The following TRPM2 variants were observed in gnomAD, a reference collection of about 807,000 sequenced individuals.
TRPM2 encodes estrogen-responsive element-associated gene 1 protein.
Under a neutral mutation model 174.0 loss-of-function variants are expected in TRPM2, and 161 were observed. That is an observed-to-expected ratio of 0.93 (90% confidence interval 0.81 to 1.05). TRPM2 has a LOEUF of 1.05. Ranked by LOEUF, TRPM2 falls within the 50% of genes least tolerant of loss-of-function variation. The pLI, the probability that TRPM2 is intolerant of heterozygous loss-of-function variation, is 0.00. For missense variants in TRPM2, 2,057 were observed against 2,038.0 expected (o/e 1.01, Z -0.18); for synonymous variants, 954 against 861.3 (o/e 1.11, Z -1.88).
chr21:44,404,189 A>T (rs1481640069), intron 16 of TRPM2, among the ~76,000 whole-genome samples: 1 of 152,104 alleles, frequency 6.6e-6, no homozygotes, highest in Non-Finnish European at 1.5e-5. Context: ...ACACAAAAAC[A>T]TGCAAATACA....
Position 44,405,254 on chromosome 21 carries a change from C to T in TRPM2, c.2651C>T (p.Thr884Ile). The change falls in exon 17 of 32, where the codon ACC (threonine) becomes ATC (isoleucine). Residue 884 changes from threonine to isoleucine, a missense_variant. Coordinates refer to ENST00000397928, the MANE Select transcript of TRPM2 (RefSeq NM_003307.4). ...ATCTTGCTCTTCGTGGCAGGGCTGA[C>T]CTGCAGGTGAGTGGCCTCACCCCGA... ...GAILLFVAGL[T>I]CRLIPATLYP... is the part of the protein sequence containing the mutation. The T allele has an allele frequency of 6.2e-7, 1 of 1,612,844 alleles. No individual in the cohort carries two copies. The highest frequency in any genetic ancestry group is 8.5e-7 in the Non-Finnish European group (1 of 1,179,900).
chr21:44,416,996 G>A (rs1166404060), intron 20 of TRPM2, among the ~76,000 whole-genome samples: 30 of 127,210 alleles, frequency 2.4e-4, no homozygotes, highest in Admixed American at 1.7e-3. Context: ...CAGTGTGCAC[G>A]TGGGCATGGC....
At chr21:44,408,645 T>C (rs2049986713) in intron 19 of TRPM2, among the ~76,000 whole-genome samples, 2 of 140,126 alleles carry the variant, frequency 1.4e-5, no homozygotes, top group South Asian at 2.3e-4. Flanking sequence ...TCTCTCCCTC[T>C]CCTTTGCCCT....
At chr21:44,392,028 G>C (rs909002996) in intron 11 of TRPM2, among the ~76,000 whole-genome samples, 14 of 150,562 alleles carry the variant, frequency 9.3e-5, no homozygotes, top group African/African-American at 2.9e-4. Flanking sequence ...GCAGTGGCGT[G>C]ATCTTAGCTC....
chr21:44,437,284 G>T (rs2051311734), intron 29 of TRPM2, 117 bp downstream of exon 29: 1 of 973,088 alleles, frequency 1.0e-6, no homozygotes, highest in Non-Finnish European at 1.5e-6. Context: ...GCAGCCCCTG[G>T]GCAGGGAGGG....
chr21:44,368,214 G>A (rs1042638001), intron 4 of TRPM2, among the ~76,000 whole-genome samples: 1 of 151,880 alleles, frequency 6.6e-6, no homozygotes, highest in African/African-American at 2.4e-5. Context: ...CGACCTCTTG[G>A]GCTCAGGTGA....
chr21:44,401,803 A>C lies in TRPM2; in HGVS notation c.2444A>C (p.Tyr815Ser), dbSNP rs1233201537. The change falls in exon 16 of 32, where the codon TAC (tyrosine) becomes TCC (serine). Residue 815 changes from tyrosine to serine, a missense_variant. Tyr to Ser is a moderately radical substitution (Grantham distance 144). Coordinates refer to ENST00000397928, the MANE Select transcript of TRPM2 (RefSeq NM_003307.4). ...TTCGCCTTCCTCTGCCTGTTCGCCT[A>C]CGTGCTCATGGTGGACTTCCAGCCT... ...SYFAFLCLFA[Y>S]VLMVDFQPVP... 1.2e-6 allele frequency: 2 copies of C among 1,613,836 alleles called. No individual in the cohort carries two copies. Among genetic ancestry groups the C allele is most frequent in the Non-Finnish European group, 1.7e-6 (2 of 1,180,002 alleles).
In TRPM2 at chr21:44,378,910, T is replaced by C. The variant is rs45452193; in HGVS notation, c.1015-87T>C. The C allele has an allele frequency of 2.2e-4, 313 of 1,419,802 alleles. No individual in the cohort carries two copies. The African/African-American group carries it at 3.9e-3, about 18-fold the overall frequency. The allele number at this position is 1,419,802 out of a possible 1,614,324, so 88.0% of individuals were successfully genotyped here. A position where few individuals can be genotyped will look rare whatever the true frequency, so the allele number is the denominator to read the frequency against. ...GAGTAGTGTTAGCCAGCTCTGCCCT[T>C]AGCTGGCCTTGGAGAATTCTCCATT... On this transcript the variant is annotated intron_variant, in intron 7 of 31. Coordinates refer to ENST00000397928, the MANE Select transcript of TRPM2 (RefSeq NM_003307.4).
chr21:44,403,706 CAT>C (rs1324824970), intron 16 of TRPM2, among the ~76,000 whole-genome samples: 14 of 150,146 alleles, frequency 9.3e-5, no homozygotes, highest in African/African-American at 3.5e-4. Context: ...TATACACATG[CAT>C]ACACACATAT....
Position 44,432,899 on chromosome 21 carries a change from G to A in TRPM2, c.3975-2232G>A, listed in dbSNP as rs1178707612. ...GGGTTGTGTGCGTAGGTTTATGGAC[G>A]GGCCTATGCCTTGATGTCGTGATGG... On this transcript the variant is annotated intron_variant, in intron 27 of 31. Coordinates refer to ENST00000397928, the MANE Select transcript of TRPM2 (RefSeq NM_003307.4). The surrounding 1 kb of genome is among the most constrained non-coding windows in gnomAD (Gnocchi z 4.9). Among the ~76,000 whole-genome samples the A allele has an allele frequency of 6.6e-6, 1 of 152,140 alleles. No homozygotes were observed. Among genetic ancestry groups the A allele is most frequent in the Non-Finnish European group, 1.5e-5 (1 of 68,036 alleles).
At chr21:44,383,980 G>A (rs2048953056) in intron 9 of TRPM2, among the ~76,000 whole-genome samples, 2 of 152,112 alleles carry the variant, frequency 1.3e-5, no homozygotes, top group Admixed American at 1.3e-4. Flanking sequence ...TCCAAAAGTA[G>A]CAGAATGAAG....
intron 5 of TRPM2, among the ~76,000 whole-genome samples, chr21:44,370,833 C>A (rs1441627694): frequency 6.6e-6 from 1 of 152,218 alleles, no homozygotes. Flanking sequence ...CGTCCCAGGT[C>A]ACTCCTTACT....
chr21:44,426,400 A>G (rs1477726449), intron 25 of TRPM2, among the ~76,000 whole-genome samples: 1 of 151,720 alleles, frequency 6.6e-6, no homozygotes. Context: ...CCACTCTGGG[A>G]AGACCCCCAA....
intron 9 of TRPM2, among the ~76,000 whole-genome samples, chr21:44,387,518 AC>A (rs759104105): frequency 3.9e-5 from 6 of 152,258 alleles, no homozygotes; most frequent in African/African-American, 4.8e-5. Context: ...CACCTAAGGC[AC>A]AGGAAACAAA....
Position 44,438,426 on chromosome 21 carries a change from C to T in TRPM2, c.4168-641C>T, listed in dbSNP as rs139566183. ...CCTGGGTTCCTGGCTCTGTAGGGCACGCACGCTTGAGGGTGGGAGTGTCAT... is the reference window on the plus strand; with the variant it reads ...CCTGGGTTCCTGGCTCTGTAGGGCATGCACGCTTGAGGGTGGGAGTGTCAT... On this transcript the variant is annotated intron_variant, in intron 29 of 31. Coordinates refer to ENST00000397928, the MANE Select transcript of TRPM2 (RefSeq NM_003307.4). This position sits in a 1 kb window ranked among gnomAD's most constrained non-coding sequence, Gnocchi z 5.9. Among the ~76,000 whole-genome samples the T allele has an allele frequency of 1.6e-3, 243 of 152,272 alleles. No homozygotes were observed. Among genetic ancestry groups the T allele is most frequent in the African/African-American group, 4.9e-3 (205 of 41,552 alleles).
rs572586312 is a variant in TRPM2, at chr21:44,395,541, T to A, written c.1922T>A (p.Ile641Asn). The change falls in exon 12 of 32, where the codon ATC becomes AAC. Residue 641 changes from isoleucine to asparagine, a missense_variant. Coordinates refer to ENST00000397928, the MANE Select transcript of TRPM2 (RefSeq NM_003307.4). ...VQNRRELAGI[I>N]WAQSQDCIAA... ...AACCGTCGGGAGCTGGCAGGAATCA[T>A]CTGGGCTCAGGTAATAAGACTGGCT... The A allele has an allele frequency of 6.2e-7, 1 of 1,612,966 alleles. No individual in the cohort carries two copies. Among genetic ancestry groups the A allele is most frequent in the African/African-American group, 1.3e-5 (1 of 75,048 alleles).
chr21:44,362,348 C>CAAAAAAAAAAAAAAAAAAAAAA (rs57031573), intron 2 of TRPM2, among the ~76,000 whole-genome samples: 25 of 89,194 alleles, frequency 2.8e-4, no homozygotes, highest in Non-Finnish European at 3.7e-4. Flanking sequence ...ACTAAAAATA[C>CAAAAAAAAAAAAAAAAAAAAAA]AAAAAAAAAA....
At chr21:44,436,208 C>T (rs1297486201) in intron 28 of TRPM2, among the ~76,000 whole-genome samples, 1 of 152,212 alleles carries the variant, frequency 6.6e-6, no homozygotes, top group African/African-American at 2.4e-5. Context: ...ACGCCTGCGT[C>T]CCTGAGGAAG....
intron 8 of TRPM2, among the ~76,000 whole-genome samples, chr21:44,382,062 G>T (rs2048897777): frequency 6.6e-6 from 1 of 152,062 alleles, no homozygotes; most frequent in Non-Finnish European, 1.5e-5. Context: ...TGGTTGGTAG[G>T]TGGGTGTGTG....
Sources: gnomAD v4.1 joint callset for allele counts (sites outside exome capture counted in the v4.1 genomes callset) on GRCh38, gnomAD v4.1.1 for gene constraint, Gnocchi (gnomAD v3.1) non-coding constraint, MANE v1.5 for transcripts, NCBI Gene and HGNC (gene_info 2026-07-23, HGNC 2026-07-21) for gene names.